The following PUM3 variants were observed in gnomAD, a reference collection of about 807,000 sequenced individuals.
PUM3 encodes pumilio homolog 3.
PUM3 carries 91 observed loss-of-function variants against 84.0 expected under a neutral mutation model. That is an observed-to-expected ratio of 1.08 (90% CI 0.91 to 1.29). The LOEUF (loss-of-function observed/expected upper bound fraction) is 1.29. PUM3 is among the 50% of genes most tolerant of loss of function. PUM3 has a pLI of 0.00. For missense variants in PUM3, 1,067 were observed against 767.5 expected (o/e 1.39, Z -4.61); for synonymous variants, 321 against 266.7 (o/e 1.20, Z -1.98).
In PUM3 at chr9:2,834,125, T is replaced by G; in HGVS notation, c.346A>C (p.Lys116Gln). Residue 116 changes from lysine (K) to glutamine (Q), a missense_variant, in exon 4 of 18, where the codon AAG (lysine) becomes CAG (glutamine). By Grantham distance (53) the Lys-to-Gln change is moderately conservative. Coordinates refer to ENST00000397885, the MANE Select transcript of PUM3 (RefSeq NM_014878.5). ...KKPKWDDFKK[K>Q]KKELKQSRQL... ...CTGCTTTGCTTCAGTTCTTTCTTCT[T>G]CTTTTTGAAGTCATCCCATTTGGGC... The G allele has an allele frequency of 1.2e-6, 2 of 1,613,724 alleles. No individual in the cohort carries two copies. Among genetic ancestry groups the G allele is most frequent in the Non-Finnish European group, 1.7e-6 (2 of 1,179,770 alleles).
At chr9:2,812,117 C>T (rs1821387007) in intron 14 of PUM3, 103 bp downstream of exon 14, 2 of 905,170 alleles carry the variant, frequency 2.2e-6, no homozygotes, top group Non-Finnish European at 3.5e-6. Context: ...ACCTTTTCAG[C>T]AGTTTTAGAG....
At chr9:2,821,387 T>G (rs1414418959) in intron 12 of PUM3, among the ~76,000 whole-genome samples, 1 of 135,140 alleles carries the variant, frequency 7.4e-6, no homozygotes, top group Non-Finnish European at 1.5e-5. Context: ...GAGCTTGCAG[T>G]GAGCCCAGAT....
chr9:2,823,720 A>T (rs1032101346), intron 12 of PUM3, 61 bp downstream of exon 12: 1 of 696,532 alleles, frequency 1.4e-6, no homozygotes, highest in African/African-American at 1.9e-5. Flanking sequence ...ATTTTCTATA[A>T]TAGACATGAA....
At chr9:2,826,208 G>C (rs922824314) in intron 10 of PUM3, among the ~76,000 whole-genome samples, 2 of 151,472 alleles carry the variant, frequency 1.3e-5, no homozygotes, top group African/African-American at 4.9e-5. Context: ...TGCTGTTACT[G>C]AAACATTCAA....
At chr9:2,812,071 G>C (rs1821386513) in intron 14 of PUM3, 149 bp downstream of exon 14, 4 of 724,926 alleles carry the variant, frequency 5.5e-6, no homozygotes, top group African/African-American at 1.8e-5. Flanking sequence ...AAAAACTTTA[G>C]AATCTGTCAA....
intron 17 of PUM3, among the ~76,000 whole-genome samples, chr9:2,805,115 G>A (rs1376762243): frequency 6.6e-6 from 1 of 152,134 alleles, no homozygotes; most frequent in African/African-American, 2.4e-5. Flanking sequence ...TTGTAGAATG[G>A]GATTCACAAC....
intron 9 of PUM3, chr9:2,828,426 T>A (rs1815881948): frequency 2.6e-6 from 1 of 378,152 alleles, no homozygotes; most frequent in Non-Finnish European, 4.8e-6. Context: ...GGGGAAAGAA[T>A]GTTTCATTGC....
intron 13 of PUM3, among the ~76,000 whole-genome samples, chr9:2,818,281 G>A (rs1171652760): frequency 6.6e-6 from 1 of 152,212 alleles, no homozygotes; most frequent in African/African-American, 2.4e-5. Context: ...CGGCAAATCA[G>A]GCCATTCAGG....
Position 2,828,680 on chromosome 9 carries a change from G to A in PUM3, c.951C>T (p.Ala317=), listed in dbSNP as rs1443370858. The A allele has an allele frequency of 4.5e-6, 7 of 1,562,182 alleles. No individual in the cohort carries two copies. The East Asian group carries it at 1.6e-4, about 35-fold the overall frequency. Residue 317 remains alanine, a synonymous_variant, in exon 9 of 18, where the codon GCC becomes GCT. Transcript: ENST00000397885. ...DEMKQILTPM[A]QKEAVIKHSL... The stretch of plus-strand genomic sequence containing the variant: ...AACAAAAACAACTTTCTTACTTTTG[G>A]GCCATTGGAGTTAGAATCTGTTTCA...
chr9:2,820,136 T>G (rs983956975), intron 12 of PUM3, 38 bp from the exon 13 acceptor site: 1 of 1,276,242 alleles, frequency 7.8e-7, no homozygotes, highest in Non-Finnish European at 1.1e-6. Context: ...TAAAAACAAG[T>G]GCATAGATCT....
chr9:2,804,557 A>G, intron 17 of PUM3, 94 bp from the exon 18 acceptor site: 1 of 1,170,642 alleles, frequency 8.5e-7, no homozygotes, highest in Non-Finnish European at 1.2e-6. Context: ...GTTAACTGTG[A>G]CACAAGCCTT....
chr9:2,812,335 C>G lies in PUM3; in HGVS notation c.1297G>C (p.Val433Leu). 6.3e-7 allele frequency: 1 copy of G among 1,588,478 alleles called. No homozygotes were observed. The highest frequency in any genetic ancestry group is 8.6e-7 in the Non-Finnish European group (1 of 1,157,664). The change falls in exon 14 of 18, where the codon GTA (valine) becomes CTA (leucine). Residue 433 changes from valine (V) to leucine (L), a missense_variant. Coordinates refer to ENST00000397885, the MANE Select transcript of PUM3 (RefSeq NM_014878.5). ...ACCTTCCTTCCATATTTGTCATTTA[C>G]TATGCTAGGCAATGAACTGATAATT... ...SEIISSLPSIVNDKYGRKVLL... is the reference protein window; with the variant it reads ...SEIISSLPSILNDKYGRKVLL...
In PUM3 at chr9:2,819,923, T is replaced by C. The variant is rs1292130430; in HGVS notation, c.1269+95A>G. On this transcript the variant is annotated intron_variant, in intron 13 of 17. Transcript: ENST00000397885. The stretch of plus-strand genomic sequence containing the variant: ...CAAAAATACTGATAGAAGGCACAGC[T>C]GCAAGTCTTTACACATGCATGGTGA... 7 of 720,820 alleles carry C rather than the reference T, an allele frequency of 9.7e-6. No homozygotes were observed. The African/African-American group carries it at 1.2e-4, about 13-fold the overall frequency. 44.7% of individuals were successfully genotyped at this position (720,820 alleles called of 1,614,324 possible).
At chr9:2,824,048 G>A (rs887532957) in intron 11 of PUM3, among the ~76,000 whole-genome samples, 5 of 151,162 alleles carry the variant, frequency 3.3e-5, no homozygotes, top group African/African-American at 1.2e-4. Flanking sequence ...TATGTGATAG[G>A]GTTAGGGTTA....
At chr9:2,839,901 C>T (rs1816224658) in intron 1 of PUM3, among the ~76,000 whole-genome samples, 1 of 152,048 alleles carries the variant, frequency 6.6e-6, no homozygotes, top group Non-Finnish European at 1.5e-5. Context: ...TCACATATAC[C>T]CTTTCCCCAG....
chr9:2,823,223 GAAA>G (rs1490958351), intron 12 of PUM3, among the ~76,000 whole-genome samples: 1 of 151,736 alleles, frequency 6.6e-6, no homozygotes, highest in Non-Finnish European at 1.5e-5. Context: ...AAATCCCCCA[GAAA>G]AAACTTTTGT....
At position 2,827,069 on chromosome 9, in the gene PUM3, T is replaced by C; in HGVS notation, c.1035+4A>G. The C allele has an allele frequency of 6.2e-7, 1 of 1,605,422 alleles. No individual in the cohort carries two copies. Among genetic ancestry groups the C allele is most frequent in the East Asian group, 2.2e-5 (1 of 44,628 alleles). On this transcript the variant is annotated splice_donor_region_variant and intron_variant, in intron 10 of 17. Transcript: ENST00000397885. ...TAGTTTAAAAACAAAAACCAAGAACTTACTGATCTGAGTTTGGGGGGTGCA... is the reference window on the plus strand; with the variant it reads ...TAGTTTAAAAACAAAAACCAAGAACCTACTGATCTGAGTTTGGGGGGTGCA...
At chr9:2,822,195 T>G (rs542124503) in intron 12 of PUM3, among the ~76,000 whole-genome samples, 1 of 152,236 alleles carries the variant, frequency 6.6e-6, no homozygotes, top group African/African-American at 2.4e-5. Flanking sequence ...CAGCAACTGA[T>G]AGAACTAGAA....
chr9:2,817,809 C>G (rs1821501783), intron 13 of PUM3, among the ~76,000 whole-genome samples: 1 of 152,044 alleles, frequency 6.6e-6, no homozygotes, highest in Non-Finnish European at 1.5e-5. Flanking sequence ...TTATTCATAC[C>G]TTTCTGTATA....
Sources: allele counts gnomAD v4.1 joint callset (sites outside exome capture counted in the v4.1 genomes callset), GRCh38; gene constraint gnomAD v4.1.1; transcripts MANE v1.5; gene names NCBI Gene and HGNC (gene_info 2026-07-23, HGNC 2026-07-21).